Variants in ZC3H12B observed in about 807,000 individuals in gnomAD.
ZC3H12B encodes the protein zinc finger CCCH-type containing 12B.
In ZC3H12B, 7 loss-of-function variants were observed where a neutral mutation model predicts 43.9. The observed-to-expected ratio is 0.16, with a 90% CI of 0.09 to 0.30. The LOEUF (loss-of-function observed/expected upper bound fraction) is 0.30, where lower values mean the gene tolerates loss of function less well. Among genes scored for constraint, ZC3H12B ranks in the 10% least tolerant of loss-of-function variants. The probability of loss-of-function intolerance (pLI) is 1.00; values close to 1 mark genes in which losing one functional copy is unlikely to be tolerated. For missense variants in ZC3H12B, 475 were observed against 670.2 expected (o/e 0.71, Z 3.22); for synonymous variants, 222 against 241.7 (o/e 0.92, Z 0.76).
chrX:65,170,212 C>T, the ZC3H12B span, among the ~76,000 whole-genome samples: 1 of 111,519 alleles, frequency 9.0e-6, no homozygotes, highest in Non-Finnish European at 1.9e-5. Context: ...TTCATGAGCT[C>T]TTGTAAGGCA....
At chrX:65,456,187 T>C (rs1178969174) in intron 3 of ZC3H12B, among the ~76,000 whole-genome samples, 1 of 110,809 alleles carries the variant, frequency 9.0e-6, no homozygotes, top group Non-Finnish European at 1.9e-5. Context: ...ACTGGCAAAC[T>C]GGATAAAGAG....
chrX:65,174,656 G>A, the ZC3H12B span, among the ~76,000 whole-genome samples: 13 of 111,917 alleles, frequency 1.2e-4, no homozygotes, highest in African/African-American at 3.6e-4. Context: ...TGAAGTTCCC[G>A]GCCTTCTTAG....
the ZC3H12B span, among the ~76,000 whole-genome samples, chrX:65,107,820 G>A: frequency 4.5e-5 from 5 of 111,048 alleles, no homozygotes; most frequent in African/African-American, 1.3e-4. Context: ...CAAGCCCTGC[G>A]AAACTGTGAG....
chrX:65,477,581 C>G (rs757888524), intron 3 of ZC3H12B, among the ~76,000 whole-genome samples: 34 of 110,725 alleles, frequency 3.1e-4, no homozygotes, highest in African/African-American at 1.0e-3. Context: ...GGTGGATCAC[C>G]TGAGGTCAGG....
At chrX:65,177,737 A>C in the ZC3H12B span, among the ~76,000 whole-genome samples, 1 of 112,099 alleles carries the variant, frequency 8.9e-6, no homozygotes, top group Non-Finnish European at 1.9e-5. Flanking sequence ...GGACCTCTTC[A>C]AGGAGAACTA....
the ZC3H12B span, among the ~76,000 whole-genome samples, chrX:65,203,756 C>G: frequency 8.9e-6 from 1 of 111,757 alleles, no homozygotes; most frequent in Non-Finnish European, 1.9e-5. Flanking sequence ...TACTAGGTCA[C>G]ATGCCCTGCA....
At chrX:65,441,387 C>A (rs998599979) in intron 3 of ZC3H12B, among the ~76,000 whole-genome samples, 12 of 111,974 alleles carry the variant, frequency 1.1e-4, no homozygotes, top group African/African-American at 3.9e-4. Context: ...TTGTATCTAC[C>A]AAACCTTTAA....
chrX:65,319,031 A>T, the ZC3H12B span, among the ~76,000 whole-genome samples: 1 of 111,411 alleles, frequency 9.0e-6, no homozygotes, highest in African/African-American at 3.3e-5. Flanking sequence ...GAAACAAGAG[A>T]AAACATACCC....
At chrX:65,439,678 C>G (rs1156946678) in intron 3 of ZC3H12B, among the ~76,000 whole-genome samples, 2 of 112,037 alleles carry the variant, frequency 1.8e-5, no homozygotes, top group African/African-American at 3.2e-5. Context: ...TGAAGGAATA[C>G]TCATGGCAGT....
chrX:65,068,844 A>G, the ZC3H12B span, among the ~76,000 whole-genome samples: 7 of 110,641 alleles, frequency 6.3e-5, no homozygotes, highest in African/African-American at 2.3e-4. Flanking sequence ...TTTTTCTGGG[A>G]AAGTCTTTTT....
chrX:65,301,241 G>A, the ZC3H12B span, among the ~76,000 whole-genome samples: 1 of 111,666 alleles, frequency 9.0e-6, no homozygotes, highest in Admixed American at 9.5e-5. Flanking sequence ...TGGTGGGAAT[G>A]TAAACTAGTA....
chrX:65,284,628 G>T, the ZC3H12B span, among the ~76,000 whole-genome samples: 6 of 110,933 alleles, frequency 5.4e-5, no homozygotes, highest in East Asian at 1.1e-3. Flanking sequence ...GGGCGTGGTT[G>T]TATGTGCCTG....
intron 3 of ZC3H12B, among the ~76,000 whole-genome samples, chrX:65,460,972 C>A (rs995678024): frequency 5.4e-5 from 6 of 111,592 alleles, no homozygotes; most frequent in African/African-American, 1.6e-4. Flanking sequence ...TGACAAAGGG[C>A]TAATATCCAG....
At chrX:65,501,574 G>T (rs1163341845) in intron 4 of ZC3H12B, among the ~76,000 whole-genome samples, 3 of 111,287 alleles carry the variant, frequency 2.7e-5, no homozygotes, top group African/African-American at 9.8e-5. Context: ...CTTTTATGCT[G>T]CAATTTTCTC....
At chrX:65,473,685 C>T (rs2067956722) in intron 3 of ZC3H12B, among the ~76,000 whole-genome samples, 1 of 111,843 alleles carries the variant, frequency 8.9e-6, no homozygotes, top group Non-Finnish European at 1.9e-5. Flanking sequence ...CTTTCTGTTG[C>T]CTAATTATTC....
the ZC3H12B span, among the ~76,000 whole-genome samples, chrX:65,070,361 C>T: frequency 2.4e-4 from 26 of 109,591 alleles, no homozygotes; most frequent in South Asian, 1.9e-3. Context: ...AGCTACTGGT[C>T]GGTCTAGTTT....
intron 3 of ZC3H12B, among the ~76,000 whole-genome samples, chrX:65,419,769 A>T (rs748620723): frequency 4.5e-5 from 5 of 110,278 alleles, no homozygotes; most frequent in Non-Finnish European, 9.5e-5. Flanking sequence ...TCTAGCTTCC[A>T]GGATAGCCTC....
the ZC3H12B span, among the ~76,000 whole-genome samples, chrX:65,218,788 T>C: frequency 3.6e-5 from 4 of 111,351 alleles, no homozygotes; most frequent in South Asian, 1.5e-3. Context: ...TGGCCCCACC[T>C]GCCACATGAT....
chrX:65,489,827 C>T (rs1009310371), intron 1 of ZC3H12B, among the ~76,000 whole-genome samples: 2 of 111,997 alleles, frequency 1.8e-5, no homozygotes, highest in Non-Finnish European at 3.8e-5. Context: ...CTTTAAGGCT[C>T]TTTGTGATCA....
Sources: gnomAD v4.1 joint callset for allele counts (sites outside exome capture counted in the v4.1 genomes callset) on GRCh38, gnomAD v4.1.1 for gene constraint, MANE v1.5 for transcripts, NCBI Gene and HGNC (gene_info 2026-07-23, HGNC 2026-07-21) for gene names.